The following NRXN3 variants were observed in gnomAD, a reference collection of about 807,000 sequenced individuals.
NRXN3 encodes neurexin III.
In NRXN3, 32 loss-of-function variants were observed where a neutral mutation model predicts 137.6. That is an observed-to-expected ratio of 0.23 (90% CI 0.18 to 0.31). The LOEUF is 0.31. Ranked by LOEUF, NRXN3 falls within the 10% of genes least tolerant of loss-of-function variation. NRXN3 has a pLI of 1.00. For missense variants in NRXN3, 1,574 were observed against 2,062.5 expected (o/e 0.76, Z 4.59); for synonymous variants, 798 against 784.5 (o/e 1.02, Z -0.29).
chr14:79,616,488 G>A (rs1194543990), intron 16 of NRXN3, among the ~76,000 whole-genome samples: 1 of 152,136 alleles, frequency 6.6e-6, no homozygotes, highest in Non-Finnish European at 1.5e-5. Context: ...GGTTAATGGA[G>A]AACAGGCTCA....
chr14:78,590,454 C>CT (rs530880588), intron 4 of NRXN3, among the ~76,000 whole-genome samples: 9 of 150,506 alleles, frequency 6.0e-5, no homozygotes, highest in South Asian at 2.1e-4. Flanking sequence ...GACATAAAAA[C>CT]TTTTTTTTTT....
At chr14:78,412,716 C>T (rs151089055) in intron 4 of NRXN3, among the ~76,000 whole-genome samples, 1 of 152,298 alleles carries the variant, frequency 6.6e-6, no homozygotes, top group African/African-American at 2.4e-5. Flanking sequence ...CACCCGACTC[C>T]ATAGACCAAA....
intron 4 of NRXN3, among the ~76,000 whole-genome samples, chr14:78,510,040 TTATATATA>T (rs57232548): frequency 0.36 from 52,280 of 144,406 alleles, 9,930 homozygotes; most frequent in Admixed American, 0.43. Flanking sequence ...TGACAAAATT[TTATATATA>T]TATATATATA....
chr14:78,676,288 AAGTT>A (rs1374277553), intron 6 of NRXN3, among the ~76,000 whole-genome samples: 2 of 152,170 alleles, frequency 1.3e-5, no homozygotes, highest in Non-Finnish European at 2.9e-5. Context: ...AAAGGCCTAA[AAGTT>A]AGCCAAGCTG....
At chr14:79,464,426 A>G (rs1425414505) in intron 15 of NRXN3, among the ~76,000 whole-genome samples, 1 of 152,150 alleles carries the variant, frequency 6.6e-6, no homozygotes, top group Admixed American at 6.5e-5. Flanking sequence ...TTTAAAGATT[A>G]AAGCCACTGT....
chr14:78,294,171 A>C (rs112624225), intron 3 of NRXN3, among the ~76,000 whole-genome samples: 2 of 152,192 alleles, frequency 1.3e-5, no homozygotes, highest in Admixed American at 6.5e-5. Context: ...CTGAACACTT[A>C]TTGTCTGTCA....
chr14:79,541,335 C>A (rs541510857), intron 16 of NRXN3, among the ~76,000 whole-genome samples: 4 of 152,024 alleles, frequency 2.6e-5, no homozygotes, highest in Non-Finnish European at 4.4e-5. Context: ...ACCCAGGAGG[C>A]GGAGGTTGCA....
intron 8 of NRXN3, among the ~76,000 whole-genome samples, chr14:78,717,762 G>C (rs2098440701): frequency 6.6e-6 from 1 of 152,156 alleles, no homozygotes. Flanking sequence ...ATCCAAAACA[G>C]AAACACCAAC....
intron 4 of NRXN3, among the ~76,000 whole-genome samples, chr14:78,506,581 T>C (rs970364807): frequency 6.6e-6 from 1 of 151,800 alleles, no homozygotes; most frequent in Admixed American, 6.6e-5. Context: ...ATAGTTGTTA[T>C]CAGTTTTTTT....
chr14:78,914,207 T>C (rs1273155097), intron 10 of NRXN3, among the ~76,000 whole-genome samples: 4 of 152,102 alleles, frequency 2.6e-5, no homozygotes, highest in Non-Finnish European at 5.9e-5. Context: ...TGAGGGAAAT[T>C]AGAAGGAAAG....
At chr14:78,337,714 C>T (rs1266710121) in intron 4 of NRXN3, among the ~76,000 whole-genome samples, 1 of 152,134 alleles carries the variant, frequency 6.6e-6, no homozygotes, top group Non-Finnish European at 1.5e-5. Context: ...TCTCAAACAT[C>T]CTAATTATTT....
intron 4 of NRXN3, among the ~76,000 whole-genome samples, chr14:78,451,897 C>A (rs1192326485): frequency 3.3e-5 from 5 of 152,130 alleles, no homozygotes; most frequent in Non-Finnish European, 7.4e-5. Context: ...ACATTTTTCT[C>A]AAAACTCACC....
At chr14:79,128,878 A>C (rs1280033234) in intron 15 of NRXN3, among the ~76,000 whole-genome samples, 2 of 151,794 alleles carry the variant, frequency 1.3e-5, no homozygotes, top group Non-Finnish European at 2.9e-5. Flanking sequence ...CTATTCAGAG[A>C]TTCAACTTCT....
intron 16 of NRXN3, among the ~76,000 whole-genome samples, chr14:79,568,196 A>C (rs2097567530): frequency 6.6e-6 from 1 of 152,184 alleles, no homozygotes; most frequent in Non-Finnish European, 1.5e-5. Context: ...GTGTCCGCTC[A>C]GCTATGAGCA....
At chr14:79,200,743 T>G (rs1311541509) in intron 15 of NRXN3, among the ~76,000 whole-genome samples, 1 of 151,738 alleles carries the variant, frequency 6.6e-6, no homozygotes, top group South Asian at 2.1e-4. Context: ...CCTGCTAACC[T>G]GTTCTGATAT....
rs531432989 is a variant in NRXN3, at chr14:79,797,175, G to A, written c.4015-7937G>A. On this transcript the variant is annotated intron_variant, in intron 19 of 20. Transcript: ENST00000335750. ...TTTTAATTCAGTTTTAGAGAGCTCT[G>A]TTCCAATAACCTAATTTTGGTCAGA... 9.2e-5 allele frequency among the ~76,000 whole-genome samples: 14 copies of A among 152,286 alleles called. No homozygotes were observed. The South Asian group carries it at 2.9e-3, about 32-fold the overall frequency.
At chr14:78,992,743 T>G (rs1180905969) in intron 15 of NRXN3, among the ~76,000 whole-genome samples, 3 of 152,210 alleles carry the variant, frequency 2.0e-5, no homozygotes, top group African/African-American at 7.2e-5. Context: ...ACAACATTGT[T>G]GGCTTTTACC....
At chr14:79,669,683 G>C (rs2153995578) in intron 17 of NRXN3, among the ~76,000 whole-genome samples, 1 of 152,186 alleles carries the variant, frequency 6.6e-6, no homozygotes, top group East Asian at 1.9e-4. Flanking sequence ...CTCGGGCACT[G>C]GTCTCAGGGC....
intron 10 of NRXN3, among the ~76,000 whole-genome samples, chr14:78,942,130 A>G (rs1427076232): frequency 1.3e-5 from 2 of 152,212 alleles, no homozygotes; most frequent in Non-Finnish European, 2.9e-5. Context: ...TGGAGCCAAC[A>G]TAAGAAGAGT....
Sources: gnomAD v4.1 joint callset for allele counts (sites outside exome capture counted in the v4.1 genomes callset) on GRCh38, gnomAD v4.1.1 for gene constraint, MANE v1.5 for transcripts, NCBI Gene and HGNC (gene_info 2026-07-23, HGNC 2026-07-21) for gene names.